The following USP32 variants were observed in gnomAD, a reference collection of about 807,000 sequenced individuals.
The protein encoded by USP32 is ubiquitin specific peptidase 32, also known as ubiquitin carboxyl-terminal hydrolase 32.
A neutral mutation model predicts 204.8 loss-of-function variants in USP32; 59 were observed. The observed-to-expected ratio is 0.29, with a 90% confidence interval of 0.23 to 0.36. The LOEUF (loss-of-function observed/expected upper bound fraction) is 0.36, where lower values mean the gene tolerates loss of function less well. USP32 is among the 10% of genes least tolerant of loss of function. The probability of loss-of-function intolerance (pLI) is 1.00; values close to 1 mark genes in which losing one functional copy is unlikely to be tolerated. For missense variants in USP32, 1,160 were observed against 1,946.4 expected, an observed-to-expected ratio of 0.60 and a Z score of 7.60; for synonymous variants, 517 against 678.4, an observed-to-expected ratio of 0.76 and a Z score of 3.70.
intron 26 of USP32, among the ~76,000 whole-genome samples, chr17:60,203,478 C>T (rs1259865184): frequency 6.6e-6 from 1 of 151,136 alleles, no homozygotes; most frequent in Non-Finnish European, 1.5e-5. Flanking sequence ...TATAACAGTC[C>T]TAAGAAACCA....
chr17:60,267,498 T>C (rs1287126174), intron 7 of USP32, among the ~76,000 whole-genome samples: 1 of 152,180 alleles, frequency 6.6e-6, no homozygotes, highest in Non-Finnish European at 1.5e-5. Context: ...GTACATTCAA[T>C]CTTTTTTTGG....
At chr17:60,347,454 T>C (rs796898745) in intron 1 of USP32, among the ~76,000 whole-genome samples, 7 of 151,510 alleles carry the variant, frequency 4.6e-5, no homozygotes, top group African/African-American at 1.7e-4. Flanking sequence ...CCCAGGTTCA[T>C]GCCATTCTCC....
At position 60,401,177 on chromosome 17, in the gene USP32, C is replaced by T. The variant is rs368761184; in HGVS notation, c.106+21069G>A. ...ACCCTGTCTAAAAAAAAAAAAAGAC[C>T]GGGCGCAATGGCTCACACCTGTAAT... On this transcript the variant is annotated intron_variant, in intron 1 of 3. Transcript: ENST00000588898. Among the ~76,000 whole-genome samples, 195 of 150,384 alleles carry T rather than the reference C, an allele frequency of 1.3e-3. 1 individual carries two copies. The highest frequency in any genetic ancestry group is 4.4e-3 in the African/African-American group (179 of 40,872).
intron 1 of USP32, among the ~76,000 whole-genome samples, chr17:60,405,290 C>T (rs73322699): frequency 0.034 from 5,245 of 152,190 alleles, 297 homozygotes; most frequent in African/African-American, 0.12. Context: ...ACAGCTTCCA[C>T]CTCCTGGGTT....
rs556016642 is a variant in USP32, at chr17:60,244,041, T to G, written c.1137-7801A>C. 1.4e-3 allele frequency among the ~76,000 whole-genome samples: 195 copies of G among 137,692 alleles called. 2 individuals carry two copies. Among genetic ancestry groups the G allele is most frequent in the African/African-American group, 4.4e-3 (157 of 35,364 alleles). The allele number at this position is 137,692 out of a possible 152,430, so 90.3% of individuals were successfully genotyped here. ...GTAGCTGGATTGTGTTTTTTTTTTTTTTTTTTTTTTTTGAGATGGAGTCTA... is the reference window on the plus strand; with the variant it reads ...GTAGCTGGATTGTGTTTTTTTTTTTGTTTTTTTTTTTTGAGATGGAGTCTA... On this transcript the variant is annotated intron_variant, in intron 11 of 33. Transcript: ENST00000300896.
intron 1 of USP32, chr17:60,421,744 C>A (rs1032140586): frequency 2.4e-6 from 2 of 816,898 alleles, no homozygotes; most frequent in Non-Finnish European, 3.0e-6. Flanking sequence ...CGGACTCTGC[C>A]CACCGCGTTT....
chr17:60,223,303 G>A, intron 14 of USP32, 108 bp downstream of exon 14: 2 of 864,430 alleles, frequency 2.3e-6, no homozygotes, highest in African/African-American at 1.7e-5. Context: ...CTATAATACA[G>A]TAATTAAATG....
intron 1 of USP32, among the ~76,000 whole-genome samples, chr17:60,363,900 G>C (rs547543602): frequency 5.3e-4 from 80 of 151,954 alleles, no homozygotes; most frequent in South Asian, 1.0e-3. Context: ...AGGAAGTGTT[G>C]GGGGGGCACC....
At chr17:60,268,582 C>CCAA (rs2086655402) in intron 7 of USP32, among the ~76,000 whole-genome samples, 1 of 45,458 alleles carries the variant, frequency 2.2e-5, no homozygotes, top group African/African-American at 6.8e-5. Context: ...GACCCTGTCT[C>CCAA]AAAAAAAAAA....
At chr17:60,357,155 G>A (rs2089098350) in intron 1 of USP32, among the ~76,000 whole-genome samples, 1 of 152,132 alleles carries the variant, frequency 6.6e-6, no homozygotes. Context: ...GGAACAGAAA[G>A]AACAACAAAT....
At chr17:60,334,328 TA>T (rs1004222439) in intron 2 of USP32, among the ~76,000 whole-genome samples, 2 of 152,182 alleles carry the variant, frequency 1.3e-5, no homozygotes, top group African/African-American at 4.8e-5. Flanking sequence ...AATAGATGTA[TA>T]AATTTTATGG....
chr17:60,214,464 T>A (rs999564500), intron 17 of USP32, among the ~76,000 whole-genome samples, 156 bp downstream of exon 17: 3 of 151,768 alleles, frequency 2.0e-5, no homozygotes, highest in Middle Eastern at 3.4e-3. Context: ...CCCATACTCA[T>A]GAAATATGAT....
upstream of USP32, among the ~76,000 whole-genome samples, chr17:60,394,938 T>G (rs1424658810): frequency 6.6e-6 from 1 of 152,094 alleles, no homozygotes; most frequent in Non-Finnish European, 1.5e-5. Context: ...GAGATGGGGT[T>G]TCACCATGTT....
In USP32 at chr17:60,289,061, G is replaced by A. The variant is rs2087197890; in HGVS notation, c.412-379C>T. On this transcript the variant is annotated intron_variant, in intron 4 of 33. Coordinates refer to ENST00000300896, the MANE Select transcript of USP32 (RefSeq NM_032582.4). ...CTCACTTTGTCGCCCAGGCTGGAGT[G>A]CAGTGGCGCGATCTCGGCTCACTGC... Among the ~76,000 whole-genome samples, 4 of 152,220 alleles carry A rather than the reference G, an allele frequency of 2.6e-5. No homozygotes were observed. In the South Asian group the frequency reaches 6.2e-4, roughly 24 times the overall value.
rs898191407 is a variant in USP32, at chr17:60,421,453, G to T, written c.106+793C>A. 9 of 985,498 alleles carry T rather than the reference G, an allele frequency of 9.1e-6. No homozygotes were observed. The African/African-American group carries it at 1.2e-4, about 13-fold the overall frequency. The allele number at this position is 985,498 out of a possible 1,614,324, so 61.0% of individuals were successfully genotyped here. A position where few individuals can be genotyped will look rare whatever the true frequency, so the allele number is the denominator to read the frequency against. Reference sequence around the variant, plus strand: ...GGCCCGGGCCGACGGCGGTCCCACCGCACTGTCGCGAAGGCAGGCGAAGAA... The same window carrying T: ...GGCCCGGGCCGACGGCGGTCCCACCTCACTGTCGCGAAGGCAGGCGAAGAA... On this transcript the variant is annotated intron_variant, in intron 1 of 3. Transcript: ENST00000588898.
At chr17:60,366,948 C>G (rs1411761237) in intron 1 of USP32, among the ~76,000 whole-genome samples, 1 of 151,974 alleles carries the variant, frequency 6.6e-6, no homozygotes, top group Non-Finnish European at 1.5e-5. Flanking sequence ...CTAAGCCTCC[C>G]GAGTAGCTGG....
At chr17:60,402,048 G>GAGTGAAATGAAAACAAAGGTGGGCAA (rs1340520929) in intron 1 of USP32, among the ~76,000 whole-genome samples, 2 of 152,096 alleles carry the variant, frequency 1.3e-5, no homozygotes, top group African/African-American at 4.8e-5. Flanking sequence ...GTTTTTGTCT[G>GAGTGAAATGAAAACAAAGGTGGGCAA]AGTGAAATGA....
At chr17:60,369,140 G>A (rs1453368523) in intron 1 of USP32, among the ~76,000 whole-genome samples, 2 of 141,266 alleles carry the variant, frequency 1.4e-5, no homozygotes, top group African/African-American at 5.9e-5. Context: ...GACTACAGGC[G>A]CCCGCCACTA....
chr17:60,400,474 T>C (rs1464590107), intron 1 of USP32, among the ~76,000 whole-genome samples: 1 of 152,160 alleles, frequency 6.6e-6, no homozygotes, highest in East Asian at 1.9e-4. Context: ...TGAGAGAATA[T>C]TTAAAGATGA....
Sources: allele counts gnomAD v4.1 joint callset (sites outside exome capture counted in the v4.1 genomes callset), GRCh38; gene constraint gnomAD v4.1.1; transcripts MANE v1.5; gene names NCBI Gene and HGNC (gene_info 2026-07-23, HGNC 2026-07-21).